Variants in CNTNAP2 observed in about 807,000 individuals in gnomAD.
CNTNAP2 encodes the protein contactin associated protein 2.
Under a neutral mutation model 155.2 loss-of-function variants are expected in CNTNAP2, and 98 were observed. The observed-to-expected ratio is 0.63, with a 90% confidence interval of 0.54 to 0.75. CNTNAP2 has a LOEUF of 0.75. CNTNAP2 is among the 30% of genes least tolerant of loss of function. The pLI is 0.00. For synonymous variants in CNTNAP2, 651 were observed against 631.2 expected (o/e 1.03, Z -0.47); for missense variants, 1,727 against 1,688.1 (o/e 1.02, Z -0.40).
At chr7:147,680,110 A>G (rs537006551) in intron 13 of CNTNAP2, among the ~76,000 whole-genome samples, 16 of 151,888 alleles carry the variant, frequency 1.1e-4, no homozygotes, top group Non-Finnish European at 2.1e-4. Context: ...AAAGGGCAAT[A>G]TGGATATTTT....
chr7:146,516,133 G>T (rs1198378764), intron 1 of CNTNAP2, among the ~76,000 whole-genome samples: 1 of 151,888 alleles, frequency 6.6e-6, no homozygotes, highest in African/African-American at 2.4e-5. Context: ...AGACAGAGTA[G>T]CTGTGTTCTG....
chr7:146,716,149 G>A (rs1218387424), intron 1 of CNTNAP2, among the ~76,000 whole-genome samples: 1 of 150,916 alleles, frequency 6.6e-6, no homozygotes, highest in Non-Finnish European at 1.5e-5. Flanking sequence ...ATGGCTGGAA[G>A]CTTTGGGTAG....
intron 15 of CNTNAP2, among the ~76,000 whole-genome samples, chr7:148,032,430 G>A (rs1475935465): frequency 1.3e-5 from 2 of 152,108 alleles, no homozygotes; most frequent in African/African-American, 4.8e-5. Context: ...AGACAGAGAG[G>A]GTAGGAGTCA....
At chr7:147,734,968 C>T (rs965439845) in intron 13 of CNTNAP2, among the ~76,000 whole-genome samples, 9 of 139,020 alleles carry the variant, frequency 6.5e-5, no homozygotes, top group African/African-American at 2.4e-4. Flanking sequence ...AAAAAACCAG[C>T]TCCTGGATTC....
At chr7:147,905,194 C>A (rs1372629405) in intron 14 of CNTNAP2, among the ~76,000 whole-genome samples, 1 of 152,200 alleles carries the variant, frequency 6.6e-6, no homozygotes, top group Non-Finnish European at 1.5e-5. Context: ...TTAAGCCAGG[C>A]AGACCTTCTC....
At chr7:147,310,193 T>C (rs766404870) in intron 9 of CNTNAP2, among the ~76,000 whole-genome samples, 12 of 152,280 alleles carry the variant, frequency 7.9e-5, no homozygotes, top group Non-Finnish European at 1.8e-4. Flanking sequence ...TATTGTGATA[T>C]TCTACATGCC....
chr7:148,276,788 A>G (rs1796877602), intron 21 of CNTNAP2, among the ~76,000 whole-genome samples: 1 of 152,268 alleles, frequency 6.6e-6, no homozygotes. Flanking sequence ...AATGCATAAC[A>G]GGAAGTGAGA....
At chr7:147,032,594 G>A (rs938598541) in intron 3 of CNTNAP2, among the ~76,000 whole-genome samples, 8 of 152,084 alleles carry the variant, frequency 5.3e-5, no homozygotes, top group African/African-American at 1.7e-4. Context: ...ATACTGAAAT[G>A]TGATGTGGGC....
At chr7:146,541,509 A>G (rs1797953287) in intron 1 of CNTNAP2, among the ~76,000 whole-genome samples, 1 of 152,170 alleles carries the variant, frequency 6.6e-6, no homozygotes, top group South Asian at 2.1e-4. Context: ...GCAACTGTAG[A>G]TAGTCTCTGC....
chr7:146,243,105 GT>G (rs1256651464), intron 1 of CNTNAP2, among the ~76,000 whole-genome samples: 1 of 151,774 alleles, frequency 6.6e-6, no homozygotes. Context: ...TAGTAATCTA[GT>G]TTTTTTCCAT....
chr7:146,616,208 G>A (rs975044576), intron 1 of CNTNAP2, among the ~76,000 whole-genome samples: 25 of 152,034 alleles, frequency 1.6e-4, no homozygotes, highest in African/African-American at 6.0e-4. Context: ...ATCACAACTC[G>A]GGAGCAGAAA....
intron 1 of CNTNAP2, among the ~76,000 whole-genome samples, chr7:146,721,334 A>G (rs1309828945): frequency 1.5e-5 from 2 of 131,056 alleles, no homozygotes; most frequent in Non-Finnish European, 3.1e-5. Context: ...TATACATTCT[A>G]TATACATTCT....
intron 15 of CNTNAP2, among the ~76,000 whole-genome samples, chr7:148,117,666 A>G (rs1275104294): frequency 6.6e-6 from 1 of 151,894 alleles, no homozygotes; most frequent in Non-Finnish European, 1.5e-5. Flanking sequence ...AACAGCCCCC[A>G]CCCACCCACA....
chr7:147,903,772 G>C (rs778895800), intron 14 of CNTNAP2, 51 bp downstream of exon 14: 31 of 1,600,798 alleles, frequency 1.9e-5, no homozygotes, highest in Admixed American at 1.2e-4. Flanking sequence ...GTGTGCCTTT[G>C]TGTCAAACTC....
At chr7:147,810,635 C>A (rs954730460) in intron 13 of CNTNAP2, among the ~76,000 whole-genome samples, 2 of 152,022 alleles carry the variant, frequency 1.3e-5, no homozygotes, top group Admixed American at 6.5e-5. Flanking sequence ...TGTTGGCTTT[C>A]TAAAAAAGCA....
At chr7:146,569,407 C>T (rs1269491155) in intron 1 of CNTNAP2, among the ~76,000 whole-genome samples, 1 of 152,188 alleles carries the variant, frequency 6.6e-6, no homozygotes, top group Admixed American at 6.5e-5. Flanking sequence ...TTATTCCATG[C>T]CCAATTACAT....
At chr7:147,042,388 C>T (rs1419992350) in intron 3 of CNTNAP2, among the ~76,000 whole-genome samples, 1 of 152,122 alleles carries the variant, frequency 6.6e-6, no homozygotes, top group Non-Finnish European at 1.5e-5. Flanking sequence ...CAGTATACTT[C>T]TCATAATTAC....
intron 1 of CNTNAP2, among the ~76,000 whole-genome samples, chr7:146,252,682 T>G (rs1799773499): frequency 6.6e-6 from 1 of 152,158 alleles, no homozygotes; most frequent in East Asian, 1.9e-4. Context: ...CCTTTTCAAA[T>G]GCAGAATTAG....
chr7:148,279,357 A>T (rs764776418), intron 21 of CNTNAP2, among the ~76,000 whole-genome samples: 36 of 152,330 alleles, frequency 2.4e-4, no homozygotes, highest in Non-Finnish European at 4.6e-4. Flanking sequence ...CTAGGAACAC[A>T]CTGAAGTCAG....
Sources: gnomAD v4.1 joint callset for allele counts (sites outside exome capture counted in the v4.1 genomes callset) on GRCh38, gnomAD v4.1.1 for gene constraint, MANE v1.5 for transcripts, NCBI Gene and HGNC (gene_info 2026-07-23, HGNC 2026-07-21) for gene names.